The following CELSR1 variants were observed in gnomAD, a reference collection of about 807,000 sequenced individuals.
CELSR1 encodes cadherin EGF LAG seven-pass G-type receptor 1.
A neutral mutation model predicts 249.1 loss-of-function variants in CELSR1; 110 were observed. The ratio of observed to expected loss-of-function variants is 0.44; its 90% CI spans 0.38 to 0.52. The LOEUF (loss-of-function observed/expected upper bound fraction) is 0.52, where lower values mean the gene tolerates loss of function less well. Ranked by LOEUF, CELSR1 falls within the 20% of genes least tolerant of loss-of-function variation. The probability of loss-of-function intolerance (pLI) is 0.00; values close to 1 mark genes in which losing one functional copy is unlikely to be tolerated. For synonymous variants in CELSR1, 2,113 were observed against 1,900.0 expected (o/e 1.11, Z -2.92); for missense variants, 4,109 against 4,296.4 (o/e 0.96, Z 1.22).
At chr22:46,495,543 A>G (rs1168314487) in intron 1 of CELSR1, among the ~76,000 whole-genome samples, 2 of 152,168 alleles carry the variant, frequency 1.3e-5, no homozygotes, top group Non-Finnish European at 2.9e-5. Flanking sequence ...TTTATACAGA[A>G]AATTTTTCTT....
At chr22:46,455,957 A>G (rs978748708) in intron 2 of CELSR1, among the ~76,000 whole-genome samples, 4 of 152,238 alleles carry the variant, frequency 2.6e-5, no homozygotes, top group African/African-American at 9.6e-5. Flanking sequence ...GACTCTGTAC[A>G]AAAAGCCAAA....
chr22:46,507,214 C>T (rs767522420), intron 1 of CELSR1, among the ~76,000 whole-genome samples: 3 of 151,988 alleles, frequency 2.0e-5, no homozygotes, highest in Non-Finnish European at 4.4e-5. Flanking sequence ...AAAAACAAAC[C>T]GATTCCAATG....
intron 2 of CELSR1, among the ~76,000 whole-genome samples, chr22:46,457,824 T>G (rs1357062876): frequency 1.3e-5 from 2 of 152,044 alleles, no homozygotes; most frequent in African/African-American, 4.8e-5. Context: ...GGAAGGGAAG[T>G]GTACGTGATT....
intron 20 of CELSR1, among the ~76,000 whole-genome samples, chr22:46,382,606 C>T (rs1463364653): frequency 6.6e-6 from 1 of 152,178 alleles, no homozygotes; most frequent in African/African-American, 2.4e-5. Flanking sequence ...CCCATGTTCA[C>T]AGCAGCACCA....
chr22:46,391,074 G>A lies in CELSR1; in HGVS notation c.6250+112C>T, dbSNP rs959372862. On this transcript the variant is annotated intron_variant, in intron 16 of 34. Coordinates refer to ENST00000674500, the MANE Select transcript of CELSR1 (RefSeq NM_001378328.1). The surrounding 1 kb of genome is among the most constrained non-coding windows in gnomAD (Gnocchi z 4.3). ...CGATCGGATTTCTCCCCAGCACTTT[G>A]CCTGCGGATATTTTTTCAACACGAA... 7.2e-6 allele frequency: 6 copies of A among 830,268 alleles called. No individual in the cohort carries two copies. In the Admixed American group the frequency reaches 7.4e-5, roughly 10 times the overall value. The allele number at this position is 830,268 out of a possible 1,614,324, so 51.4% of individuals were successfully genotyped here. A position where few individuals can be genotyped will look rare whatever the true frequency, so the allele number is the denominator to read the frequency against.
chr22:46,386,418 G>T lies in CELSR1; in HGVS notation c.6723C>A (p.Ile2241=). The T allele has an allele frequency of 6.3e-7, 1 of 1,582,678 alleles. No homozygotes were observed. The highest frequency in any genetic ancestry group is 1.1e-5 in the South Asian group (1 of 87,196). The change falls in exon 19 of 35, where the codon ATC becomes ATA. Residue 2241 remains isoleucine, a synonymous_variant. Coordinates refer to ENST00000674500, the MANE Select transcript of CELSR1 (RefSeq NM_001378328.1). ...GCGCCTTACTCATGTTGGCGGTGAC[G>T]ATGACGAAGGGCCGCAGGTACGTCC... ...VRRTYLRPFV[I]VTANMILAVD... is the part of the protein sequence containing the mutation.
At chr22:46,422,763 T>C (rs1483729394) in intron 5 of CELSR1, among the ~76,000 whole-genome samples, 1 of 107,168 alleles carries the variant, frequency 9.3e-6, no homozygotes, top group Non-Finnish European at 1.8e-5. Flanking sequence ...CGAGACTCCA[T>C]CTCAAAAAAA....
At chr22:46,530,785 T>G (rs1168190757) in intron 1 of CELSR1, among the ~76,000 whole-genome samples, 1 of 152,200 alleles carries the variant, frequency 6.6e-6, no homozygotes, top group South Asian at 2.1e-4. Flanking sequence ...CACGTGGGCC[T>G]TCCCAGGCCC....
In CELSR1 at chr22:46,439,296, G is replaced by A. The variant is rs757364264; in HGVS notation, c.4299C>T (p.Gly1433=). 6.2e-6 allele frequency: 10 copies of A among 1,614,068 alleles called. No individual in the cohort carries two copies. Among genetic ancestry groups the A allele is most frequent in the South Asian group, 1.1e-5 (1 of 91,080 alleles). The change falls in exon 3 of 35, where the codon GGC becomes GGT. Residue 1433 remains glycine (G), a synonymous_variant. Coordinates refer to ENST00000674500, the MANE Select transcript of CELSR1 (RefSeq NM_001378328.1). ...CCTCACAGTAGGGCCTCTCATACTC[G>A]CCAGGAGGACACACGCAGTGGAAGC... ...IGGFHCVCPP[G]EYERPYCEVT...
rs2079837899 is a variant in CELSR1 at position 46,447,855 on chromosome 22, G to A, written c.4184-8444C>T. 6.6e-6 allele frequency among the ~76,000 whole-genome samples: 1 copy of A among 152,128 alleles called. No individual in the cohort carries two copies. Among genetic ancestry groups the A allele is most frequent in the African/African-American group, 2.4e-5 (1 of 41,420 alleles). On this transcript the variant is annotated intron_variant, in intron 2 of 34. Transcript: ENST00000674500. This position sits in a 1 kb window ranked among gnomAD's most constrained non-coding sequence, Gnocchi z 4.7. The stretch of plus-strand genomic sequence containing the variant: ...GGCTGGTCTCGAACTCCTGACCTCA[G>A]GTGATCTGCTCGCCTTAGCCTCCCA...
chr22:46,367,713 C>T lies in CELSR1; in HGVS notation c.8079+16G>A, dbSNP rs1244540754. 2 of 1,585,198 alleles carry T rather than the reference C, an allele frequency of 1.3e-6. No homozygotes were observed. Among genetic ancestry groups the T allele is most frequent in the South Asian group, 2.3e-5 (2 of 86,740 alleles). The stretch of plus-strand genomic sequence containing the variant: ...GGCCAGGCAGGGGTCCCGCGGGCAA[C>T]TCGGCCGTCACCTACCTGTAAGCCG... On this transcript the variant is annotated intron_variant, in intron 28 of 34. Transcript: ENST00000674500.
At position 46,396,366 on chromosome 22, in the gene CELSR1, C is replaced by T; in HGVS notation, c.5843+239G>A. 6.6e-6 allele frequency among the ~76,000 whole-genome samples: 1 copy of T among 151,982 alleles called. No homozygotes were observed. Among genetic ancestry groups the T allele is most frequent in the African/African-American group, 2.4e-5 (1 of 41,354 alleles). ...GAGGTTGCAAGGAGCCAAGATCGCGCCATTGCACTCCAGCCTGGGTGACAG... is the reference window on the plus strand; with the variant it reads ...GAGGTTGCAAGGAGCCAAGATCGCGTCATTGCACTCCAGCCTGGGTGACAG... On this transcript the variant is annotated intron_variant, in intron 13 of 34. Transcript: ENST00000674500. The surrounding 1 kb of genome is among the most constrained non-coding windows in gnomAD (Gnocchi z 6.4).
In CELSR1 at chr22:46,364,575, G is replaced by C; in HGVS notation, c.8716C>G (p.Pro2906Ala). 6.2e-7 allele frequency: 1 copy of C among 1,612,556 alleles called. No individual in the cohort carries two copies. Among genetic ancestry groups the C allele is most frequent in the Non-Finnish European group, 8.5e-7 (1 of 1,179,892 alleles). ...EQGSHRGEYP[P>A]DQESGGAARL... ...GCTGCGCCCCCGCTCTCCTGGTCCGGGGGGTACTCTCCACGGTGACTGCCC... is the reference window on the plus strand; with the variant it reads ...GCTGCGCCCCCGCTCTCCTGGTCCGCGGGGTACTCTCCACGGTGACTGCCC... Residue 2906 changes from proline to alanine, a missense_variant, in exon 33 of 35, where the codon CCG becomes GCG. Physicochemically the swap from Pro to Ala is conservative, Grantham distance 27. This residue lies in a region of CELSR1 where 1,805 missense variants were observed against 1,831.6 expected (regional missense o/e 0.99). Coordinates refer to ENST00000674500, the MANE Select transcript of CELSR1 (RefSeq NM_001378328.1).
chr22:46,529,172 A>G (rs547842488), intron 1 of CELSR1, among the ~76,000 whole-genome samples: 1 of 151,704 alleles, frequency 6.6e-6, no homozygotes, highest in African/African-American at 2.4e-5. Context: ...AGGCTGAGGC[A>G]GGAGAATGGT....
In CELSR1 at chr22:46,412,266, A is replaced by T. The variant is rs2079346400; in HGVS notation, c.4612-507T>A. The stretch of plus-strand genomic sequence containing the variant: ...GCCTTGACTTCTAGGCACCAGACTG[A>T]GAGAGAATCATGTCTGTTGTTTGAG... On this transcript the variant is annotated intron_variant, in intron 5 of 34. Coordinates refer to ENST00000674500, the MANE Select transcript of CELSR1 (RefSeq NM_001378328.1). This position sits in a 1 kb window ranked among gnomAD's most constrained non-coding sequence, Gnocchi z 4.5. Among the ~76,000 whole-genome samples, 1 of 152,144 alleles carries T rather than the reference A, an allele frequency of 6.6e-6. No individual in the cohort carries two copies. Among genetic ancestry groups the T allele is most frequent in the Non-Finnish European group, 1.5e-5 (1 of 68,018 alleles).
chr22:46,388,577 TG>T (rs1165736525), intron 18 of CELSR1, among the ~76,000 whole-genome samples: 1 of 135,124 alleles, frequency 7.4e-6, no homozygotes, highest in East Asian at 2.6e-4. Context: ...TCCGTGGGGA[TG>T]GGTGGGAGGG....
rs113515447 is a variant in CELSR1 at position 46,408,835 on chromosome 22, G to A, written c.5226+161C>T. On this transcript the variant is annotated intron_variant, in intron 9 of 34. Transcript: ENST00000674500. This position sits in a 1 kb window ranked among gnomAD's most constrained non-coding sequence, Gnocchi z 4.6. ...TCTCCGCCTCCCAGAGGAAAGAAAG[G>A]GCTGATATTCCCCTTCCCCCTCTTC... Among the ~76,000 whole-genome samples, 2,922 of 152,324 alleles carry A rather than the reference G, an allele frequency of 0.019. 104 individuals are homozygous for A. The highest frequency in any genetic ancestry group is 0.067 in the African/African-American group (2,789 of 41,564).
At position 46,433,529 on chromosome 22, in the gene CELSR1, C is replaced by A. The variant is rs2079621486; in HGVS notation, c.4523-48G>T. On this transcript the variant is annotated intron_variant, in intron 4 of 34. Transcript: ENST00000674500. This position sits in a 1 kb window ranked among gnomAD's most constrained non-coding sequence, Gnocchi z 5.7. ...AGAGAGAAAACAGGGGTTGGCGGGG[C>A]CTACTGGGGACCGAGGATTGCGCTG... 14 of 1,481,838 alleles carry A rather than the reference C, an allele frequency of 9.4e-6. No homozygotes were observed. Among genetic ancestry groups the A allele is most frequent in the Non-Finnish European group, 1.2e-5 (13 of 1,069,758 alleles). 91.8% of individuals were successfully genotyped at this position (1,481,838 alleles called of 1,614,324 possible).
Position 46,366,479 on chromosome 22 carries a change from C to A in CELSR1, c.8207G>T (p.Arg2736Leu). 1 of 1,549,970 alleles carries A rather than the reference C, an allele frequency of 6.5e-7. No homozygotes were observed. The highest frequency in any genetic ancestry group is 8.7e-7 in the Non-Finnish European group (1 of 1,146,438). ...SATTRATLLT[R>L]SLNCNTTFGD... Reference sequence around the variant, plus strand: ...GAAGGTGGTGTTGCAGTTGAGGGAGCGCTGAAGGGAGGGGAGGGGCTGGTC... The same window carrying A: ...GAAGGTGGTGTTGCAGTTGAGGGAGAGCTGAAGGGAGGGGAGGGGCTGGTC... Residue 2736 changes from arginine to leucine, a missense_variant and splice_region_variant, in exon 30 of 35, where the codon CGC becomes CTC. Physicochemically the swap from Arg to Leu is moderately radical, Grantham distance 102. This residue lies in a region of CELSR1 where 1,805 missense variants were observed against 1,831.6 expected (regional missense o/e 0.99). Transcript: ENST00000674500.
Sources: gnomAD v4.1 joint callset for allele counts (sites outside exome capture counted in the v4.1 genomes callset) on GRCh38, gnomAD v4.1.1 for gene constraint, gnomAD v4.1.1 regional missense constraint, Gnocchi (gnomAD v3.1) non-coding constraint, MANE v1.5 for transcripts, NCBI Gene and HGNC (gene_info 2026-07-23, HGNC 2026-07-21) for gene names.